The following PCDHGA7 variants were observed in gnomAD, a reference collection of about 807,000 sequenced individuals.
PCDHGA7 encodes protocadherin gamma subfamily A, 7.
In PCDHGA7, 44 loss-of-function variants were observed where a neutral mutation model predicts 58.3. That is an observed-to-expected ratio of 0.75 (90% CI 0.59 to 0.97). The LOEUF is 0.97. Ranked by LOEUF, PCDHGA7 falls within the 50% of genes least tolerant of loss-of-function variation. PCDHGA7 has a pLI of 0.00. For synonymous variants in PCDHGA7, 516 were observed against 504.2 expected, an observed-to-expected ratio of 1.02 and a Z score of -0.31; for missense variants, 1,266 against 1,188.7, an observed-to-expected ratio of 1.06 and a Z score of -0.96.
At chr5:141,399,916 A>G in intron 1 of PCDHGA7, 3 of 1,612,378 alleles carry the variant, frequency 1.9e-6, no homozygotes, top group Non-Finnish European at 1.7e-6. Context: ...CTCAGGACAC[A>G]ACGCCTGGCT....
At position 141,477,112 on chromosome 5, in the gene PCDHGA7, A is replaced by C. The variant is rs745449028; in HGVS notation, c.2425-17695A>C. The C allele has an allele frequency of 2.5e-6, 4 of 1,614,262 alleles. No homozygotes were observed. The South Asian group carries it at 4.4e-5, about 18-fold the overall frequency. Reference sequence around the variant, plus strand: ...CCAAAGACAAGGGCGCCAATCCCGAAGGAGCACATTGCAAAGTGTTGGTGG... The same window carrying C: ...CCAAAGACAAGGGCGCCAATCCCGACGGAGCACATTGCAAAGTGTTGGTGG... On this transcript the variant is annotated intron_variant, in intron 1 of 3. Transcript: ENST00000518325. This position sits in a 1 kb window ranked among gnomAD's most constrained non-coding sequence, Gnocchi z 4.9.
chr5:141,393,492 C>T (rs778632774), intron 1 of PCDHGA7: 11 of 1,613,922 alleles, frequency 6.8e-6, no homozygotes, highest in African/African-American at 1.3e-5. Flanking sequence ...TAGCACAGTG[C>T]GCATCCACGT....
In PCDHGA7 at chr5:141,418,244, C is replaced by T. The variant is rs746986702; in HGVS notation, c.2424+32921C>T. 1.3e-5 allele frequency: 21 copies of T among 1,613,980 alleles called. No individual in the cohort carries two copies. The South Asian group carries it at 2.2e-4, about 17-fold the overall frequency. ...TGTGGTGATTGAGGATGTTAATGAC[C>T]ACGCCCCTCAATTCCGGAAAGATGA... is the stretch of plus-strand genomic sequence containing the variant. On this transcript the variant is annotated intron_variant, in intron 1 of 3. Transcript: ENST00000518325.
chr5:141,476,264 G>T lies in PCDHGA7; in HGVS notation c.2425-18543G>T, dbSNP rs753184649. On this transcript the variant is annotated intron_variant, in intron 1 of 3. Coordinates refer to ENST00000518325, the MANE Select transcript of PCDHGA7 (RefSeq NM_018920.4). This position sits in a 1 kb window ranked among gnomAD's most constrained non-coding sequence, Gnocchi z 7.6. ...AGAGAAGGGTTTCGCTGTGGGCAAC[G>T]TGGTCGCGAACCTTGGTTTGGATCT... The T allele has an allele frequency of 5.0e-6, 8 of 1,613,964 alleles. No individual in the cohort carries two copies. In the African/African-American group the frequency reaches 8.0e-5, roughly 16 times the overall value.
rs568171038 is a variant in PCDHGA7 at position 141,384,203 on chromosome 5, A to T, written c.1304A>T (p.Glu435Val). The stretch of plus-strand genomic sequence containing the variant: ...GGTGGAACTCCTCCCTTGTCCAGGG[A>T]AACTCACATATTCATGCAGGTGGCA... Reference protein sequence around the residue: ...TDGGTPPLSRETHIFMQVADT... With the variant: ...TDGGTPPLSRVTHIFMQVADT... Residue 435 changes from glutamate to valine, a missense_variant, in exon 1 of 4, where the codon GAA becomes GTA. Coordinates refer to ENST00000518325, the MANE Select transcript of PCDHGA7 (RefSeq NM_018920.4). 1 of 1,613,900 alleles carries T rather than the reference A, an allele frequency of 6.2e-7. No individual in the cohort carries two copies. The highest frequency in any genetic ancestry group is 1.3e-5 in the African/African-American group (1 of 75,062).
intron 1 of PCDHGA7, chr5:141,422,492 C>A (rs747903569): frequency 2.5e-6 from 4 of 1,613,816 alleles, no homozygotes; most frequent in African/African-American, 2.7e-5. Flanking sequence ...TACAATATAA[C>A]GTTGACAGCC....
chr5:141,430,720 T>G, intron 1 of PCDHGA7: 1 of 1,486,390 alleles, frequency 6.7e-7, no homozygotes, highest in East Asian at 2.4e-5. Flanking sequence ...ACTTCAGTGG[T>G]TAAGGGCAGA....
At position 141,431,056 on chromosome 5, in the gene PCDHGA7, C is replaced by T; in HGVS notation, c.2424+45733C>T. ...ACCGGGAGGAGCTCTGTATGGGGGC[C>T]ATCAAGTGTCAATTAAATCTAGACA... On this transcript the variant is annotated intron_variant, in intron 1 of 3. Transcript: ENST00000518325. The surrounding 1 kb of genome is among the most constrained non-coding windows in gnomAD (Gnocchi z 4.8). 1 of 1,614,126 alleles carries T rather than the reference C, an allele frequency of 6.2e-7. No homozygotes were observed. The highest frequency in any genetic ancestry group is 8.5e-7 in the Non-Finnish European group (1 of 1,180,000).
At chr5:141,467,178 A>C (rs1344437465) in intron 1 of PCDHGA7, among the ~76,000 whole-genome samples, 1 of 151,604 alleles carries the variant, frequency 6.6e-6, no homozygotes, top group Non-Finnish European at 1.5e-5. Flanking sequence ...TCAGCCTCCC[A>C]AGTAGCTGGG....
chr5:141,415,750 T>G lies in PCDHGA7; in HGVS notation c.2424+30427T>G, dbSNP rs758016978. 309 of 1,313,170 alleles carry G rather than the reference T, an allele frequency of 2.4e-4. No individual in the cohort carries two copies. In the East Asian group the frequency reaches 2.9e-3, roughly 12 times the overall value. 81.3% of individuals were successfully genotyped at this position (1,313,170 alleles called of 1,614,324 possible). On this transcript the variant is annotated intron_variant, in intron 1 of 3. Coordinates refer to ENST00000518325, the MANE Select transcript of PCDHGA7 (RefSeq NM_018920.4). Reference sequence around the variant, plus strand: ...TTGATGTTTATTAAGGTTTTTTTTTTTTTTTTTTTTTTTTTTTTTTTTACT... The same window carrying G: ...TTGATGTTTATTAAGGTTTTTTTTTGTTTTTTTTTTTTTTTTTTTTTTACT...
intron 1 of PCDHGA7, chr5:141,395,547 TGTGTGTGTGTGTGTGTG>T (rs2093270399): frequency 1.4e-4 from 25 of 174,246 alleles, no homozygotes; most frequent in Middle Eastern, 2.2e-3. Context: ...ATTGTTTGTG[TGTGTGTGTGTGTGTGTG>T]TGTGTGTGTG....
At chr5:141,506,351 A>G (rs1029519620) in intron 3 of PCDHGA7, among the ~76,000 whole-genome samples, 2 of 150,784 alleles carry the variant, frequency 1.3e-5, no homozygotes, top group African/African-American at 4.9e-5. Context: ...TGGGAGGCTG[A>G]GGCAGGAGAA....
At chr5:141,407,243 C>G (rs1191688729) in intron 1 of PCDHGA7, among the ~76,000 whole-genome samples, 1 of 152,168 alleles carries the variant, frequency 6.6e-6, no homozygotes, top group African/African-American at 2.4e-5. Context: ...AAGCATACTT[C>G]AGGCTCATAT....
At chr5:141,459,237 C>T (rs1004453705) in intron 1 of PCDHGA7, among the ~76,000 whole-genome samples, 1 of 152,214 alleles carries the variant, frequency 6.6e-6, no homozygotes, top group Admixed American at 6.5e-5. Flanking sequence ...AACTGGTCTG[C>T]TTCCTGTCAC....
chr5:141,384,274 G>C lies in PCDHGA7; in HGVS notation c.1375G>C (p.Val459Leu), dbSNP rs1396743546. The change falls in exon 1 of 4, where the codon GTC (valine) becomes CTC (leucine). Residue 459 changes from valine (V) to leucine (L), a missense_variant. Val to Leu is a conservative substitution (Grantham distance 32). Coordinates refer to ENST00000518325, the MANE Select transcript of PCDHGA7 (RefSeq NM_018920.4). ...PPTFPHSSYSVYIAENNPRGA... is the reference protein window; with the variant it reads ...PPTFPHSSYSLYIAENNPRGA... ...CACCTTCCCCCACTCATCCTACTCA[G>C]TCTACATCGCTGAGAACAACCCCAG... 1 of 1,613,704 alleles carries C rather than the reference G, an allele frequency of 6.2e-7. No homozygotes were observed. The highest frequency in any genetic ancestry group is 8.5e-7 in the Non-Finnish European group (1 of 1,179,896).
In PCDHGA7 at chr5:141,382,833, C is replaced by T. The variant is rs1017641917; in HGVS notation, c.-67C>T. On this transcript the variant is annotated 5_prime_UTR_variant, in exon 1 of 4. Transcript: ENST00000518325. ...CCCCTTCCTAAGACAGAGGGGTCCA[C>T]CCGGATACACCCGCATTCTGAAGCA... is the stretch of plus-strand genomic sequence containing the variant. 7.7e-6 allele frequency: 11 copies of T among 1,423,922 alleles called. No homozygotes were observed. Among genetic ancestry groups the T allele is most frequent in the South Asian group, 1.4e-5 (1 of 71,324 alleles). 88.2% of individuals were successfully genotyped at this position (1,423,922 alleles called of 1,614,324 possible). A position where few individuals can be genotyped will look rare whatever the true frequency, so the allele number is the denominator to read the frequency against.
chr5:141,488,046 G>A (rs958459817), intron 1 of PCDHGA7, among the ~76,000 whole-genome samples: 1 of 152,182 alleles, frequency 6.6e-6, no homozygotes, highest in African/African-American at 2.4e-5. Flanking sequence ...CCAAGGGATT[G>A]AGGGGAAATA....
chr5:141,427,704 G>A (rs2097059746), intron 1 of PCDHGA7: 1 of 966,116 alleles, frequency 1.0e-6, no homozygotes, highest in Non-Finnish European at 1.6e-6. Flanking sequence ...ACAAGTCAGC[G>A]CCTCTGACCT....
intron 1 of PCDHGA7, among the ~76,000 whole-genome samples, chr5:141,459,812 A>G (rs1390780491): frequency 1.3e-5 from 2 of 152,232 alleles, no homozygotes; most frequent in South Asian, 2.1e-4. Context: ...GACTAGAGAC[A>G]CTGAGCAACT....
Sources: gnomAD v4.1 joint callset for allele counts (sites outside exome capture counted in the v4.1 genomes callset) on GRCh38, gnomAD v4.1.1 for gene constraint, Gnocchi (gnomAD v3.1) non-coding constraint, MANE v1.5 for transcripts, NCBI Gene and HGNC (gene_info 2026-07-23, HGNC 2026-07-21) for gene names.